FAM185A: variants seen among roughly 807,000 people sequenced by gnomAD.
The protein encoded by FAM185A is family with sequence similarity 185 member A.
Under a neutral mutation model 45.7 loss-of-function variants are expected in FAM185A, and 21 were observed. The observed-to-expected ratio is 0.46, with a 90% CI of 0.33 to 0.66. FAM185A has a LOEUF of 0.66. FAM185A is among the 30% of genes least tolerant of loss of function. FAM185A has a pLI of 0.03. For missense variants in FAM185A, 305 were observed against 485.4 expected (o/e 0.63, Z 3.49); for synonymous variants, 117 against 194.0 (o/e 0.60, Z 3.30).
At chr7:102,770,135 A>T (rs563052195) in intron 4 of FAM185A, among the ~76,000 whole-genome samples, 12 of 152,306 alleles carry the variant, frequency 7.9e-5, no homozygotes, top group Non-Finnish European at 1.5e-4. Flanking sequence ...TCATCTTGAA[A>T]TTCTTCACTA....
chr7:102,803,141 G>A (rs148905366), intron 7 of FAM185A, among the ~76,000 whole-genome samples: 5,195 of 152,062 alleles, frequency 0.034, 272 homozygotes, highest in African/African-American at 0.12. Context: ...ACACTATTCC[G>A]CAAGACAGAG....
chr7:102,767,206 T>C (rs2129435393), intron 4 of FAM185A, among the ~76,000 whole-genome samples: 1 of 150,136 alleles, frequency 6.7e-6, no homozygotes, highest in African/African-American at 2.5e-5. Flanking sequence ...AATATTGATA[T>C]TTACTACAGT....
At chr7:102,762,060 T>C (rs1794139778) in intron 4 of FAM185A, among the ~76,000 whole-genome samples, 2 of 152,214 alleles carry the variant, frequency 1.3e-5, no homozygotes, top group South Asian at 4.1e-4. Context: ...GAATGATTGC[T>C]TTTATGTTAA....
In FAM185A at chr7:102,808,513, A is replaced by C. The variant is rs1797263785; in HGVS notation, c.*111A>C. 3.4e-5 allele frequency: 24 copies of C among 711,502 alleles called. No homozygotes were observed. In the East Asian group the frequency reaches 6.3e-4, roughly 19 times the overall value. 44.1% of individuals were successfully genotyped at this position (711,502 alleles called of 1,614,324 possible). A position where few individuals can be genotyped will look rare whatever the true frequency, so the allele number is the denominator to read the frequency against. On this transcript the variant is annotated 3_prime_UTR_variant, in exon 8 of 8. Coordinates refer to ENST00000413034, the MANE Select transcript of FAM185A (RefSeq NM_001145268.2). ...GGTTGAAAACAACAAATTGAGAATG[A>C]ATACTGGTGAACTGTTTTGGGAGGC...
intron 7 of FAM185A, among the ~76,000 whole-genome samples, chr7:102,796,444 C>T (rs1464654059): frequency 6.6e-6 from 1 of 152,228 alleles, no homozygotes; most frequent in African/African-American, 2.4e-5. Flanking sequence ...GGAGTCTAGT[C>T]CCCAGGCGGG....
intron 2 of FAM185A, among the ~76,000 whole-genome samples, chr7:102,757,086 CAT>C (rs1178159049): frequency 6.6e-6 from 1 of 150,950 alleles, no homozygotes; most frequent in East Asian, 2.0e-4. Context: ...CACACACACA[CAT>C]ACACATACTT....
chr7:102,790,138 A>C (rs1414344825), intron 7 of FAM185A, among the ~76,000 whole-genome samples: 1 of 152,212 alleles, frequency 6.6e-6, no homozygotes, highest in Non-Finnish European at 1.5e-5. Flanking sequence ...TATAGTAAAT[A>C]CATAAATCAG....
At chr7:102,827,091 G>A in the FAM185A span, 1 of 446,360 alleles carries the variant, frequency 2.2e-6, no homozygotes, top group Non-Finnish European at 4.6e-6. Context: ...TTTGACCAAA[G>A]GAATGGAGCA....
intron 6 of FAM185A, among the ~76,000 whole-genome samples, chr7:102,786,317 A>C (rs535850983): frequency 1.3e-3 from 202 of 152,358 alleles, no homozygotes; most frequent in African/African-American, 4.4e-3. Context: ...TTGACCCAGC[A>C]ATCCCATTAC....
At chr7:102,752,577 A>ATT (rs59425139) in intron 2 of FAM185A, among the ~76,000 whole-genome samples, 3,462 of 140,210 alleles carry the variant, frequency 0.025, 66 homozygotes, top group Non-Finnish European at 0.034. Flanking sequence ...GCTGTAATTA[A>ATT]TTTTTTTTTT....
At chr7:102,840,606 T>G in the FAM185A span, among the ~76,000 whole-genome samples, 1 of 152,234 alleles carries the variant, frequency 6.6e-6, no homozygotes. Context: ...CTATGACCTC[T>G]TCCATTTAAG....
chr7:102,749,085 C>G lies in FAM185A; in HGVS notation c.-123C>G, dbSNP rs1344778517. ...CAAGCCAACCGGCTCGCTCTTGTTT[C>G]AGCAAACCCTGACTTACGTCTCCTA... On this transcript the variant is annotated 5_prime_UTR_variant, in exon 1 of 8. An upstream open reading frame in the 5' UTR gains an earlier in-frame stop. Coordinates refer to ENST00000413034, the MANE Select transcript of FAM185A (RefSeq NM_001145268.2). 1.4e-6 allele frequency: 2 copies of G among 1,411,288 alleles called. No homozygotes were observed. The highest frequency in any genetic ancestry group is 5.0e-5 in the East Asian group (2 of 40,306). 87.4% of individuals were successfully genotyped at this position (1,411,288 alleles called of 1,614,324 possible).
At chr7:102,792,631 A>G (rs10234856) in intron 7 of FAM185A, among the ~76,000 whole-genome samples, 1,812 of 119,380 alleles carry the variant, frequency 0.015, 64 homozygotes, top group African/African-American at 0.056. Context: ...AAAGAATATT[A>G]GAGGTAAAGT....
At chr7:102,810,634 C>T (rs1368919027), downstream of FAM185A, among the ~76,000 whole-genome samples, 1 of 151,906 alleles carries the variant, frequency 6.6e-6, no homozygotes, top group Non-Finnish European at 1.5e-5. Context: ...CACTCTGTTG[C>T]CCAGGCTGGA....
intron 7 of FAM185A, among the ~76,000 whole-genome samples, chr7:102,793,288 T>C (rs530591867): frequency 1.3e-5 from 2 of 152,286 alleles, no homozygotes; most frequent in East Asian, 1.9e-4. Context: ...CTCGGCTCAC[T>C]GCAACCTCTG....
At chr7:102,828,093 A>G in the FAM185A span, among the ~76,000 whole-genome samples, 1 of 152,206 alleles carries the variant, frequency 6.6e-6, no homozygotes, top group Non-Finnish European at 1.5e-5. Context: ...TATGAACTTT[A>G]AAGTAGTTAT....
the FAM185A span, among the ~76,000 whole-genome samples, chr7:102,830,095 G>A: frequency 0.018 from 2,738 of 152,202 alleles, 74 homozygotes; most frequent in African/African-American, 0.063. Flanking sequence ...ACAGAGTGAT[G>A]CATTTCTTGC....
chr7:102,766,345 G>A (rs537308432), intron 4 of FAM185A, among the ~76,000 whole-genome samples: 4 of 152,312 alleles, frequency 2.6e-5, no homozygotes, highest in Non-Finnish European at 5.9e-5. Flanking sequence ...CTGAGTATTA[G>A]TTCTCTCATT....
At position 102,758,459 on chromosome 7, in the gene FAM185A, T is replaced by TTTTTTTA. The variant is rs1554364935; in HGVS notation, c.654+513_654+514insTTTTTTA. On this transcript the variant is annotated intron_variant, in intron 3 of 7. Transcript: ENST00000413034. ...TTTTTTTTTTTTTTTTTTTTTTTTT[T>TTTTTTTA]ATAGTAGCTATTGGGATTTTTGTTG... is the stretch of plus-strand genomic sequence containing the variant. 5.6e-5 allele frequency among the ~76,000 whole-genome samples: 6 copies of TTTTTTTA among 107,464 alleles called. 1 individual carries two copies. The highest frequency in any genetic ancestry group is 2.2e-4 in the Admixed American group (2 of 8,906). 70.5% of individuals were successfully genotyped at this position (107,464 alleles called of 152,430 possible).
Sources: gnomAD v4.1 joint callset for allele counts (sites outside exome capture counted in the v4.1 genomes callset) on GRCh38, gnomAD v4.1.1 for gene constraint, MANE v1.5 for transcripts, NCBI Gene and HGNC (gene_info 2026-07-23, HGNC 2026-07-21) for gene names.